RGS6: variants seen among roughly 807,000 people sequenced by gnomAD.
RGS6 encodes the protein regulator of G-protein signaling 6.
RGS6 carries 30 observed loss-of-function variants against 78.5 expected under a neutral mutation model. The observed-to-expected ratio is 0.38, with a 90% CI of 0.29 to 0.52. RGS6 has a LOEUF of 0.52. RGS6 is among the 20% of genes least tolerant of loss of function. The pLI, the probability that RGS6 is intolerant of heterozygous loss-of-function variation, is 0.85. For missense variants in RGS6, 495 were observed against 609.7 expected, an observed-to-expected ratio of 0.81 and a Z score of 1.98; for synonymous variants, 206 against 206.0, an observed-to-expected ratio of 1.00 and a Z score of 0.00.
chr14:72,474,935 G>A (rs984885586), intron 10 of RGS6, among the ~76,000 whole-genome samples: 1 of 151,984 alleles, frequency 6.6e-6, no homozygotes, highest in African/African-American at 2.4e-5. Context: ...CAAGCCAACA[G>A]GCAACAGGGC....
intron 2 of RGS6, among the ~76,000 whole-genome samples, chr14:71,979,372 A>T: frequency 1.4e-5 from 2 of 146,676 alleles, no homozygotes; most frequent in African/African-American, 5.1e-5. Context: ...TCAATTTTGG[A>T]TCTTTCCTGC....
chr14:71,931,311 A>G (rs2087843657), upstream of RGS6, among the ~76,000 whole-genome samples: 1 of 150,578 alleles, frequency 6.6e-6, no homozygotes, highest in African/African-American at 2.4e-5. Flanking sequence ...CTTGTGTGTT[A>G]TCCCATTCGA....
chr14:72,115,686 A>C (rs766296106), intron 2 of RGS6, among the ~76,000 whole-genome samples: 2 of 152,192 alleles, frequency 1.3e-5, no homozygotes, highest in Non-Finnish European at 2.9e-5. Context: ...ACCAATGCAA[A>C]AGACTATAGC....
intron 2 of RGS6, among the ~76,000 whole-genome samples, chr14:72,042,656 T>C (rs528247080): frequency 6.7e-6 from 1 of 148,264 alleles, no homozygotes; most frequent in African/African-American, 2.5e-5. Flanking sequence ...ACTTTTTTTT[T>C]CATGTTAAAC....
At chr14:72,506,016 C>G (rs1012575481) in intron 13 of RGS6, among the ~76,000 whole-genome samples, 4 of 152,128 alleles carry the variant, frequency 2.6e-5, no homozygotes, top group Admixed American at 2.0e-4. Context: ...GAGGCAGGAA[C>G]TTGATAAGAA....
the RGS6 span, among the ~76,000 whole-genome samples, chr14:72,610,544 T>G: frequency 6.6e-6 from 1 of 152,222 alleles, no homozygotes; most frequent in African/African-American, 2.4e-5. Context: ...TCAGAGAAAT[T>G]GAGCTTACAA....
the RGS6 span, among the ~76,000 whole-genome samples, chr14:72,604,652 G>A: frequency 6.6e-6 from 1 of 152,152 alleles, no homozygotes; most frequent in African/African-American, 2.4e-5. Flanking sequence ...TGACCCAGGG[G>A]TTTGAGGAAA....
chr14:72,449,270 G>T (rs1397969133), intron 3 of RGS6, among the ~76,000 whole-genome samples: 1 of 152,192 alleles, frequency 6.6e-6, no homozygotes, highest in Admixed American at 6.5e-5. Flanking sequence ...ATTAGTTTAT[G>T]AATTGCTTCA....
intron 2 of RGS6, chr14:71,990,982 C>G: frequency 2.7e-6 from 1 of 375,320 alleles, no homozygotes; most frequent in South Asian, 2.0e-5. Flanking sequence ...CACCACTCTA[C>G]GCAATATGAA....
At chr14:72,566,629 T>TCTCACACA (rs1349119393), downstream of RGS6, 26 of 105,834 alleles carry the variant, frequency 2.5e-4, 1 homozygote, top group African/African-American at 8.2e-4. Context: ...TTCCCCATTA[T>TCTCACACA]CACACACACA....
intron 2 of RGS6, among the ~76,000 whole-genome samples, chr14:72,260,207 C>T (rs539909054): frequency 6.6e-6 from 1 of 152,068 alleles, no homozygotes; most frequent in Non-Finnish European, 1.5e-5. Context: ...AGAGGTGAAT[C>T]CTTGTAAAGT....
chr14:72,477,809 GAAAAA>G (rs1046338338), intron 11 of RGS6, among the ~76,000 whole-genome samples: 1 of 135,874 alleles, frequency 7.4e-6, no homozygotes, highest in Non-Finnish European at 1.6e-5. Context: ...AAAAAAAAAA[GAAAAA>G]AAGAAAAAAA....
intron 3 of RGS6, among the ~76,000 whole-genome samples, chr14:72,453,180 GAT>G (rs2095538586): frequency 6.6e-6 from 1 of 152,156 alleles, no homozygotes; most frequent in East Asian, 1.9e-4. Flanking sequence ...AATCAAGGCT[GAT>G]TTAACTGGGT....
chr14:72,595,473 A>AACAT, the RGS6 span, among the ~76,000 whole-genome samples: 1 of 151,900 alleles, frequency 6.6e-6, no homozygotes, highest in Non-Finnish European at 1.5e-5. Context: ...AGTTTAAACA[A>AACAT]ACAAACAAAC....
chr14:72,613,666 C>T, the RGS6 span, among the ~76,000 whole-genome samples: 1 of 152,130 alleles, frequency 6.6e-6, no homozygotes, highest in African/African-American at 2.4e-5. Context: ...TCCCAGGAAC[C>T]CACTCACTTC....
At chr14:72,395,570 A>G (rs2091033485) in intron 3 of RGS6, among the ~76,000 whole-genome samples, 1 of 152,132 alleles carries the variant, frequency 6.6e-6, no homozygotes, top group African/African-American at 2.4e-5. Flanking sequence ...TTTAGGGTAC[A>G]TGTGCACAAC....
At chr14:72,454,354 T>A (rs993411831) in intron 3 of RGS6, among the ~76,000 whole-genome samples, 174 bp from the exon 4 acceptor site, 1 of 152,152 alleles carries the variant, frequency 6.6e-6, no homozygotes, top group African/African-American at 2.4e-5. Flanking sequence ...ATTGTAACTA[T>A]GGAAGTGTAC....
At chr14:72,077,691 A>G (rs920344716) in intron 2 of RGS6, among the ~76,000 whole-genome samples, 14 of 152,198 alleles carry the variant, frequency 9.2e-5, no homozygotes, top group Non-Finnish European at 1.8e-4. Flanking sequence ...TTACATCTAA[A>G]GAACAAGCAC....
chr14:72,034,938 G>A lies in RGS6; in HGVS notation c.84+70063G>A, dbSNP rs771636901. Among the ~76,000 whole-genome samples the A allele has an allele frequency of 4.6e-5, 7 of 152,022 alleles. No homozygotes were observed. The East Asian group carries it at 7.7e-4, about 17-fold the overall frequency. On this transcript the variant is annotated intron_variant, in intron 2 of 17. Transcript: ENST00000553525. Reference sequence around the variant, plus strand: ...CTGAAAATATTAAATGGAAAATTGCGGAAATAAACAATAAGCTTTAAATTG... The same window carrying A: ...CTGAAAATATTAAATGGAAAATTGCAGAAATAAACAATAAGCTTTAAATTG...
Sources: allele counts gnomAD v4.1 joint callset (sites outside exome capture counted in the v4.1 genomes callset), GRCh38; gene constraint gnomAD v4.1.1; transcripts MANE v1.5; gene names NCBI Gene and HGNC (gene_info 2026-07-23, HGNC 2026-07-21).